OR51B5: variants seen among roughly 807,000 people sequenced by gnomAD.
OR51B5 encodes olfactory receptor family 51 subfamily B member 5.
For synonymous variants in OR51B5, 186 were observed against 144.8 expected, an observed-to-expected ratio of 1.28 and a Z score of -2.04; for missense variants, 456 against 374.6, an observed-to-expected ratio of 1.22 and a Z score of -1.79.
intron 1 of OR51B5, chr11:5,440,537 C>T (rs752022980): frequency 6.6e-7 from 1 of 1,519,100 alleles, no homozygotes; most frequent in Admixed American, 1.7e-5. Context: ...CCAATCCTTC[C>T]TCCAAAGGAG....
intron 1 of OR51B5, among the ~76,000 whole-genome samples, chr11:5,408,617 A>G (rs1393887763): frequency 6.6e-6 from 1 of 152,112 alleles, no homozygotes; most frequent in African/African-American, 2.4e-5. Flanking sequence ...TTAAATATAA[A>G]CCATTCAGAA....
intron 1 of OR51B5, among the ~76,000 whole-genome samples, chr11:5,372,667 G>C (rs750990909): frequency 6.6e-6 from 1 of 152,096 alleles, no homozygotes; most frequent in Non-Finnish European, 1.5e-5. Context: ...TATTAGACTT[G>C]TATCAGATAT....
At chr11:5,491,379 G>A (rs1260994496) in intron 1 of OR51B5, among the ~76,000 whole-genome samples, 4 of 152,196 alleles carry the variant, frequency 2.6e-5, no homozygotes, top group Non-Finnish European at 1.5e-5. Context: ...AGAGCTCCTA[G>A]TTCAGTTGTG....
exon 1 of OR51B5, chr11:5,343,048 C>T (rs146969859): frequency 1.2e-6 from 2 of 1,613,410 alleles, no homozygotes; most frequent in African/African-American, 1.3e-5. Context: ...AATAGAGGGG[C>T]CTGATTGGGG....
intron 1 of OR51B5, among the ~76,000 whole-genome samples, chr11:5,478,452 A>G (rs1424550798): frequency 2.9e-4 from 44 of 152,120 alleles, no homozygotes; most frequent in Non-Finnish European, 4.7e-4. Context: ...AAAGCAGAGC[A>G]CCTCTCCTCC....
Position 5,500,584 on chromosome 11 carries a change from C to T in OR51B5, n.84+4985G>A, listed in dbSNP as rs566701749. ...ATAAGAGACTCTGCCAAAACCACAC[C>T]TTGCAATTAAGCCGCTTCGACGAGG... On this transcript the variant is annotated intron_variant and non_coding_transcript_variant, in intron 1 of 4. Coordinates refer to the OR51B5 transcript ENST00000415970. 2.7e-5 allele frequency among the ~76,000 whole-genome samples: 4 copies of T among 147,986 alleles called. No individual in the cohort carries two copies. In the South Asian group the frequency reaches 8.5e-4, roughly 32 times the overall value.
chr11:5,478,696 A>C (rs1451290350), intron 1 of OR51B5, among the ~76,000 whole-genome samples: 3 of 151,680 alleles, frequency 2.0e-5, no homozygotes, highest in Non-Finnish European at 2.9e-5. Flanking sequence ...ACCAAGGCTC[A>C]AGAACTACGT....
chr11:5,387,246 A>T (rs1206959085), intron 1 of OR51B5, among the ~76,000 whole-genome samples: 1 of 152,182 alleles, frequency 6.6e-6, no homozygotes, highest in Non-Finnish European at 1.5e-5. Context: ...GAGCTCTAAA[A>T]AGGAAGGCAT....
At chr11:5,360,747 T>C (rs28503538) in intron 1 of OR51B5, among the ~76,000 whole-genome samples, 24,018 of 144,522 alleles carry the variant, frequency 0.17, 2,146 homozygotes, top group Middle Eastern at 0.31. Context: ...AACCCAAATG[T>C]CCAACAATGA....
intron 1 of OR51B5, chr11:5,453,144 T>C (rs1200360285): frequency 1.1e-5 from 2 of 175,912 alleles, no homozygotes; most frequent in Non-Finnish European, 2.4e-5. Context: ...CATATTTCTA[T>C]TGAATCATGC....
At chr11:5,386,888 T>C (rs1394432579) in intron 1 of OR51B5, among the ~76,000 whole-genome samples, 1 of 151,944 alleles carries the variant, frequency 6.6e-6, no homozygotes, top group Non-Finnish European at 1.5e-5. Context: ...AATAATATTA[T>C]AAAAAATGCA....
chr11:5,414,625 T>C (rs1850207900), intron 1 of OR51B5, among the ~76,000 whole-genome samples: 1 of 151,080 alleles, frequency 6.6e-6, no homozygotes, highest in Non-Finnish European at 1.5e-5. Flanking sequence ...AAGGCAGGGG[T>C]TGCAATCCTA....
chr11:5,488,059 G>T (rs765375381), intron 1 of OR51B5, among the ~76,000 whole-genome samples: 6 of 152,086 alleles, frequency 3.9e-5, no homozygotes, highest in Non-Finnish European at 7.4e-5. Context: ...AAACATCAAT[G>T]CCATGTTACT....
intron 1 of OR51B5, among the ~76,000 whole-genome samples, chr11:5,384,299 G>A (rs1294216050): frequency 6.6e-6 from 1 of 152,130 alleles, no homozygotes; most frequent in African/African-American, 2.4e-5. Context: ...ATTCTTCCAA[G>A]TTGCCAGGAT....
chr11:5,453,272 C>A, intron 1 of OR51B5: 1 of 394,238 alleles, frequency 2.5e-6, no homozygotes, highest in Non-Finnish European at 4.5e-6. Context: ...GAAATATTAG[C>A]TCAGCCTGCA....
At chr11:5,380,242 A>T (rs1319235161) in intron 1 of OR51B5, among the ~76,000 whole-genome samples, 2 of 152,150 alleles carry the variant, frequency 1.3e-5, no homozygotes, top group Non-Finnish European at 2.9e-5. Context: ...CTTCTCTGTA[A>T]ACCTTCCAGA....
At chr11:5,428,238 A>C (rs1190553516) in intron 1 of OR51B5, among the ~76,000 whole-genome samples, 2 of 152,064 alleles carry the variant, frequency 1.3e-5, no homozygotes, top group Non-Finnish European at 2.9e-5. Context: ...TAATATGGGT[A>C]CAGTTCCAGA....
chr11:5,486,895 C>T (rs1054968468), intron 1 of OR51B5, among the ~76,000 whole-genome samples: 1 of 151,954 alleles, frequency 6.6e-6, no homozygotes, highest in Non-Finnish European at 1.5e-5. Context: ...CAATAAGATG[C>T]CTCCTGTTCT....
At chr11:5,361,762 A>T (rs2736556) in intron 1 of OR51B5, among the ~76,000 whole-genome samples, 57,478 of 151,714 alleles carry the variant, frequency 0.38, 11,071 homozygotes, top group Non-Finnish European at 0.41. Context: ...TCTAGTTAGG[A>T]AAAAATCAAG....
Sources: gnomAD v4.1 joint callset for allele counts (sites outside exome capture counted in the v4.1 genomes callset) on GRCh38, gnomAD v4.1.1 for gene constraint, MANE v1.5 for transcripts, NCBI Gene and HGNC (gene_info 2026-07-23, HGNC 2026-07-21) for gene names.